The following ZNF536 variants were observed in gnomAD, a reference collection of about 807,000 sequenced individuals.
ZNF536 encodes zinc finger protein 536.
A neutral mutation model predicts 84.5 loss-of-function variants in ZNF536; 13 were observed. The observed-to-expected ratio is 0.15, with a 90% CI of 0.10 to 0.24. The LOEUF is 0.24. Among genes scored for constraint, ZNF536 ranks in the 10% least tolerant of loss-of-function variants. ZNF536 has a pLI of 1.00. For missense variants in ZNF536, 1,536 were observed against 1,747.5 expected, an observed-to-expected ratio of 0.88 and a Z score of 2.16; for synonymous variants, 811 against 742.5, an observed-to-expected ratio of 1.09 and a Z score of -1.50.
intron 1 of ZNF536, among the ~76,000 whole-genome samples, chr19:30,392,368 C>A (rs56339183): frequency 0.048 from 7,314 of 152,226 alleles, 260 homozygotes; most frequent in Non-Finnish European, 0.07. Context: ...ATTAAGGAGA[C>A]CACAGAATTT....
intron 1 of ZNF536, among the ~76,000 whole-genome samples, chr19:30,607,141 C>A (rs998968114): frequency 6.6e-6 from 1 of 152,170 alleles, no homozygotes; most frequent in Non-Finnish European, 1.5e-5. Flanking sequence ...ACCTCTTCGA[C>A]GTAGATTTTT....
At chr19:30,318,964 A>G (rs915090054) in intron 2 of ZNF536, among the ~76,000 whole-genome samples, 1 of 152,258 alleles carries the variant, frequency 6.6e-6, no homozygotes, top group Non-Finnish European at 1.5e-5. Context: ...GGTTTTAACA[A>G]ATAAACAAAT....
chr19:30,647,438 A>G (rs2049517840), intron 1 of ZNF536, among the ~76,000 whole-genome samples: 2 of 152,132 alleles, frequency 1.3e-5, no homozygotes, highest in South Asian at 2.1e-4. Flanking sequence ...GATGGTTCCC[A>G]TCTGCTCCCG....
Position 30,473,097 on chromosome 19 carries a change from T to G in ZNF536, c.2170+27365T>G, listed in dbSNP as rs1301403408. On this transcript the variant is annotated intron_variant, in intron 2 of 4. Coordinates refer to ENST00000355537, the MANE Select transcript of ZNF536 (RefSeq NM_014717.3). ...GGCACACACCTATAGTTCCTGCTACTTGGGAGGCTAAGCCAGGAGAACTGC... is the reference window on the plus strand; with the variant it reads ...GGCACACACCTATAGTTCCTGCTACGTGGGAGGCTAAGCCAGGAGAACTGC... Among the ~76,000 whole-genome samples the G allele has an allele frequency of 3.3e-5, 5 of 151,272 alleles. No individual in the cohort carries two copies. In the East Asian group the frequency reaches 5.8e-4, roughly 18 times the overall value.
At chr19:30,601,975 C>T (rs1325211931) in intron 1 of ZNF536, among the ~76,000 whole-genome samples, 1 of 152,194 alleles carries the variant, frequency 6.6e-6, no homozygotes, top group East Asian at 1.9e-4. Flanking sequence ...ACGTCCTCTC[C>T]CCACAGTCAT....
intron 1 of ZNF536, among the ~76,000 whole-genome samples, chr19:30,568,606 G>A (rs1839737474): frequency 6.6e-6 from 1 of 152,116 alleles, no homozygotes; most frequent in Admixed American, 6.5e-5. Context: ...GGATTTCTAT[G>A]ACTCCCTGTC....
intron 2 of ZNF536, among the ~76,000 whole-genome samples, chr19:30,481,400 C>T (rs547249809): frequency 7.2e-5 from 11 of 152,238 alleles, no homozygotes; most frequent in African/African-American, 1.9e-4. Context: ...GTTGCACAGT[C>T]GGCATTATGA....
chr19:30,572,656 A>G, intron 1 of ZNF536, among the ~76,000 whole-genome samples: 1 of 152,210 alleles, frequency 6.6e-6, no homozygotes, highest in East Asian at 1.9e-4. Flanking sequence ...TCAAGATGAC[A>G]TCTCTCGTGG....
chr19:30,570,396 C>T (rs1029027444), intron 1 of ZNF536, among the ~76,000 whole-genome samples: 4 of 152,166 alleles, frequency 2.6e-5, no homozygotes, highest in Non-Finnish European at 5.9e-5. Flanking sequence ...GAGAGGGTGG[C>T]AGGTGCAGAG....
chr19:30,240,595 A>G (rs909408866), intron 1 of ZNF536, among the ~76,000 whole-genome samples: 2 of 152,194 alleles, frequency 1.3e-5, no homozygotes, highest in African/African-American at 4.8e-5. Context: ...TGGCCCGCAC[A>G]TGAACTGTTC....
In ZNF536 at chr19:30,574,404, C is replaced by T. The variant is rs570561469; in HGVS notation, c.169+24890C>T. 5.3e-5 allele frequency among the ~76,000 whole-genome samples: 8 copies of T among 152,352 alleles called. No individual in the cohort carries two copies. In the East Asian group the frequency reaches 1.5e-3, roughly 29 times the overall value. On this transcript the variant is annotated intron_variant, in intron 1 of 1. Coordinates refer to the ZNF536 transcript ENST00000592773. ...GGTGCAACTCCCAAGCCCACTGCCT[C>T]CTGCTGCTGAGCTATACCTTGCCTT...
intron 1 of ZNF536, among the ~76,000 whole-genome samples, chr19:30,440,958 A>G (rs2052018185): frequency 6.6e-6 from 1 of 152,166 alleles, no homozygotes; most frequent in Admixed American, 6.5e-5. Flanking sequence ...AAATAAAAGA[A>G]TTCCATACTC....
chr19:30,334,269 A>G (rs570921181), intron 2 of ZNF536, among the ~76,000 whole-genome samples: 2 of 152,336 alleles, frequency 1.3e-5, no homozygotes, highest in East Asian at 1.9e-4. Flanking sequence ...ACCCAAAGCT[A>G]TGCGATTCTT....
At chr19:30,415,403 C>CT (rs901685202) in intron 1 of ZNF536, among the ~76,000 whole-genome samples, 7 of 148,848 alleles carry the variant, frequency 4.7e-5, no homozygotes, top group South Asian at 4.3e-4. Context: ...TCCTCCTTCT[C>CT]TTTTTTTTCC....
intron 2 of ZNF536, among the ~76,000 whole-genome samples, chr19:30,295,465 C>A (rs1484304450): frequency 6.6e-6 from 1 of 152,144 alleles, no homozygotes; most frequent in Non-Finnish European, 1.5e-5. Flanking sequence ...GGGCCCCAAC[C>A]CACATTTTCA....
chr19:30,533,896 C>T (rs2044962863), intron 2 of ZNF536, among the ~76,000 whole-genome samples: 1 of 152,230 alleles, frequency 6.6e-6, no homozygotes, highest in South Asian at 2.1e-4. Flanking sequence ...GGTTCTCTTG[C>T]TTCTCCTCCT....
At chr19:30,615,920 G>C (rs910694258) in intron 1 of ZNF536, among the ~76,000 whole-genome samples, 2 of 151,776 alleles carry the variant, frequency 1.3e-5, no homozygotes, top group African/African-American at 2.4e-5. Context: ...CTCTCTGTCT[G>C]TCTCTCTCAT....
chr19:30,466,584 AAGAGAG>A (rs372587955), intron 2 of ZNF536, among the ~76,000 whole-genome samples: 2 of 144,374 alleles, frequency 1.4e-5, no homozygotes, highest in Non-Finnish European at 3.0e-5. Flanking sequence ...GAAAGAAAGA[AAGAGAG>A]AGAGAGAGAG....
At chr19:30,466,584 A>AAGAG (rs372587955) in intron 2 of ZNF536, among the ~76,000 whole-genome samples, 2,730 of 144,450 alleles carry the variant, frequency 0.019, 62 homozygotes, top group Middle Eastern at 0.045. Flanking sequence ...GAAAGAAAGA[A>AAGAG]AGAGAGAGAG....
Sources: allele counts gnomAD v4.1 joint callset (sites outside exome capture counted in the v4.1 genomes callset), GRCh38; gene constraint gnomAD v4.1.1; transcripts MANE v1.5; gene names NCBI Gene and HGNC (gene_info 2026-07-23, HGNC 2026-07-21).